Variants in COPG2 observed in about 807,000 individuals in gnomAD.
COPG2 encodes the protein coat protein complex I subunit gamma 2.
COPG2 carries 37 observed loss-of-function variants against 46.3 expected under a neutral mutation model. The observed-to-expected ratio is 0.80, with a 90% CI of 0.61 to 1.05. The LOEUF is 1.05. COPG2 is among the 50% of genes least tolerant of loss of function. The pLI is 0.00. For synonymous variants in COPG2, 159 were observed against 129.7 expected (o/e 1.23, Z -1.53); for missense variants, 427 against 387.8 (o/e 1.10, Z -0.85).
intron 20 of COPG2, among the ~76,000 whole-genome samples, chr7:130,517,117 A>C (rs1799685331): frequency 6.6e-6 from 1 of 152,144 alleles, no homozygotes; most frequent in Non-Finnish European, 1.5e-5. Flanking sequence ...AAGGAATGGA[A>C]GAAGAAAGTG....
At chr7:130,649,586 T>C (rs1211370996) in intron 5 of COPG2, among the ~76,000 whole-genome samples, 1 of 152,176 alleles carries the variant, frequency 6.6e-6, no homozygotes, top group Non-Finnish European at 1.5e-5. Context: ...ATTCCCAACA[T>C]TTTCCTCTGA....
chr7:130,566,698 G>GGA (rs1336967696), intron 9 of COPG2, among the ~76,000 whole-genome samples: 4 of 152,122 alleles, frequency 2.6e-5, no homozygotes, highest in Non-Finnish European at 5.9e-5. Flanking sequence ...CTGCCCGGGA[G>GGA]GATGTTGATA....
At chr7:130,552,551 A>G (rs1273696672) in intron 14 of COPG2, 121 bp from the exon 15 acceptor site, 2 of 393,336 alleles carry the variant, frequency 5.1e-6, no homozygotes, top group African/African-American at 2.1e-5. Context: ...CCCTTGTTTT[A>G]TTGAGTGTTT....
intron 5 of COPG2, among the ~76,000 whole-genome samples, chr7:130,651,484 ATTTTTTTGTATT>A (rs1795740280): frequency 8.0e-6 from 1 of 125,642 alleles, no homozygotes; most frequent in African/African-American, 3.1e-5. Context: ...TGCCTGGCTA[ATTTTTTTGTATT>A]TTTTTTTTTT....
rs1362134999 is a variant in COPG2 at position 130,557,680 on chromosome 7, T to C, written c.1129-2548A>G. ...AAAATTAGCTGGGCATGGTGGCGGG[T>C]GGCGGGTGCCTGTAATCCCAGCTAC... is the stretch of plus-strand genomic sequence containing the variant. On this transcript the variant is annotated intron_variant, in intron 12 of 23. Coordinates refer to ENST00000425248, the MANE Select transcript of COPG2 (RefSeq NM_012133.6). 1.2e-4 allele frequency among the ~76,000 whole-genome samples: 18 copies of C among 151,568 alleles called. No homozygotes were observed. The East Asian group carries it at 3.1e-3, about 26-fold the overall frequency.
At chr7:130,528,494 G>A (rs947868416) in intron 20 of COPG2, among the ~76,000 whole-genome samples, 1 of 152,004 alleles carries the variant, frequency 6.6e-6, no homozygotes, top group Non-Finnish European at 1.5e-5. Flanking sequence ...CAGCGGGTGC[G>A]GGGCCAGGTC....
chr7:130,625,243 A>G (rs1795097945), intron 5 of COPG2, among the ~76,000 whole-genome samples: 2 of 152,140 alleles, frequency 1.3e-5, no homozygotes, highest in Admixed American at 1.3e-4. Flanking sequence ...ATTGATTATT[A>G]TATATGAATT....
chr7:130,646,610 T>C (rs1554458232), intron 5 of COPG2, among the ~76,000 whole-genome samples: 2 of 152,186 alleles, frequency 1.3e-5, no homozygotes, highest in African/African-American at 4.8e-5. Context: ...GGTTTGGCTC[T>C]GTCATCTCCA....
chr7:130,578,386 C>G (rs1227739328), intron 9 of COPG2, among the ~76,000 whole-genome samples: 1 of 149,466 alleles, frequency 6.7e-6, no homozygotes, highest in Admixed American at 6.7e-5. Context: ...GATAAAACCA[C>G]AAAGATGGGG....
chr7:130,548,741 C>G (rs1416236199), intron 18 of COPG2, among the ~76,000 whole-genome samples, 199 bp from the exon 19 acceptor site: 3 of 152,028 alleles, frequency 2.0e-5, no homozygotes, highest in Non-Finnish European at 4.4e-5. Flanking sequence ...CATGGTGAAA[C>G]CCCGTCTCTA....
intron 9 of COPG2, among the ~76,000 whole-genome samples, chr7:130,577,786 A>C (rs1269411439): frequency 1.3e-5 from 2 of 150,594 alleles, no homozygotes; most frequent in Non-Finnish European, 3.0e-5. Flanking sequence ...AAAAAAAAAA[A>C]AACAAAAAAA....
chr7:130,519,285 G>C (rs1390725752), intron 20 of COPG2, among the ~76,000 whole-genome samples: 2 of 152,196 alleles, frequency 1.3e-5, no homozygotes, highest in Non-Finnish European at 2.9e-5. Flanking sequence ...ATTTGGTGCT[G>C]CCCAGAAAGC....
chr7:130,663,018 C>T lies in COPG2; in HGVS notation c.192G>A (p.Thr64=), dbSNP rs371592445. ...TTGCAAAGAAGGCTTCTGTAGCTTC[C>T]GTTGTTCCAAAGTGTTCACCCTAAG... ...LLNQGEHFGT[T]EATEAFFAMT... is the part of the protein sequence containing the mutation. Residue 64 remains threonine, a synonymous_variant, in exon 4 of 24, where the codon ACG becomes ACA. Transcript: ENST00000425248. 7 of 1,545,234 alleles carry T rather than the reference C, an allele frequency of 4.5e-6. No homozygotes were observed. The Admixed American group carries it at 8.4e-5, about 19-fold the overall frequency.
At chr7:130,583,493 T>TAAAA (rs782593413) in intron 9 of COPG2, among the ~76,000 whole-genome samples, 3 of 34,382 alleles carry the variant, frequency 8.7e-5, no homozygotes, top group Non-Finnish European at 1.5e-4. Flanking sequence ...ACATAAAGTA[T>TAAAA]AAAAAAAAAA....
At chr7:130,607,753 A>C (rs1554451479) in intron 9 of COPG2, 1 of 520,118 alleles carries the variant, frequency 1.9e-6, no homozygotes, top group Non-Finnish European at 3.8e-6. Flanking sequence ...TTCCAACCTC[A>C]AACTGTTTTG....
chr7:130,585,783 C>T (rs2116448951), intron 9 of COPG2, among the ~76,000 whole-genome samples: 1 of 152,070 alleles, frequency 6.6e-6, no homozygotes, highest in South Asian at 2.1e-4. Flanking sequence ...CTTACTCCTG[C>T]AAGAATGGCC....
intron 3 of COPG2, among the ~76,000 whole-genome samples, chr7:130,666,294 T>C (rs1323252350): frequency 1.3e-5 from 2 of 152,242 alleles, no homozygotes; most frequent in African/African-American, 4.8e-5. Flanking sequence ...TCTTGCACTG[T>C]ATTTTCAGAA....
intron 20 of COPG2, among the ~76,000 whole-genome samples, chr7:130,532,915 A>T (rs1799843021): frequency 6.6e-6 from 1 of 152,146 alleles, no homozygotes; most frequent in Non-Finnish European, 1.5e-5. Context: ...AGAATCACAG[A>T]TCGTGCTGAG....
At chr7:130,632,557 T>C (rs561123837) in intron 5 of COPG2, among the ~76,000 whole-genome samples, 1 of 152,298 alleles carries the variant, frequency 6.6e-6, no homozygotes, top group Admixed American at 6.5e-5. Context: ...TCTCCTCTTC[T>C]TCAGGGACTT....
Sources: gnomAD v4.1 joint callset for allele counts (sites outside exome capture counted in the v4.1 genomes callset) on GRCh38, gnomAD v4.1.1 for gene constraint, MANE v1.5 for transcripts, NCBI Gene and HGNC (gene_info 2026-07-23, HGNC 2026-07-21) for gene names.